The following DCAF5 variants were observed in gnomAD, a reference collection of about 807,000 sequenced individuals.
DCAF5 encodes DDB1 and CUL4 associated factor 5.
DCAF5 carries 9 observed loss-of-function variants against 80.7 expected under a neutral mutation model. That is an observed-to-expected ratio of 0.11 (90% confidence interval 0.07 to 0.19). DCAF5 has a LOEUF of 0.19. DCAF5 is among the 10% of genes least tolerant of loss of function. The probability of loss-of-function intolerance (pLI) is 1.00; values close to 1 mark genes in which losing one functional copy is unlikely to be tolerated. For missense variants in DCAF5, 842 were observed against 1,205.7 expected (o/e 0.70, Z 4.47); for synonymous variants, 433 against 461.9 (o/e 0.94, Z 0.80).
intron 8 of DCAF5, among the ~76,000 whole-genome samples, chr14:69,060,106 C>T (rs1266448576): frequency 1.3e-5 from 2 of 152,134 alleles, no homozygotes; most frequent in African/African-American, 4.8e-5. Flanking sequence ...ATGACGTCAA[C>T]AGGCCCGGAG....
chr14:69,102,246 T>C (rs10138499), intron 5 of DCAF5, among the ~76,000 whole-genome samples: 9,501 of 151,624 alleles, frequency 0.063, 997 homozygotes, highest in African/African-American at 0.22. Flanking sequence ...GCAGCTGGGA[T>C]TACAGGCACA....
At chr14:69,095,907 T>G (rs912347730) in intron 5 of DCAF5, among the ~76,000 whole-genome samples, 2 of 152,206 alleles carry the variant, frequency 1.3e-5, no homozygotes, top group African/African-American at 4.8e-5. Context: ...GTCGAGGCAC[T>G]ACTATCCTAA....
In DCAF5 at chr14:69,090,058, A is replaced by C. The variant is rs1236673610; in HGVS notation, c.879+1616T>G. ...TTTCCCTCAGCCTCTGGTTTCTGGA[A>C]ATAAAGCCTAGTAAACTATTAATAT... On this transcript the variant is annotated intron_variant, in intron 6 of 8. Coordinates refer to ENST00000341516, the MANE Select transcript of DCAF5 (RefSeq NM_003861.3). The C allele has an allele frequency of 3.0e-6, 3 of 985,338 alleles. No homozygotes were observed. In the African/African-American group the frequency reaches 5.2e-5, roughly 17 times the overall value. The allele number at this position is 985,338 out of a possible 1,614,324, so 61.0% of individuals were successfully genotyped here.
intron 5 of DCAF5, among the ~76,000 whole-genome samples, chr14:69,097,353 T>A (rs370357378): frequency 1.3e-5 from 2 of 152,142 alleles, no homozygotes; most frequent in Admixed American, 6.5e-5. Flanking sequence ...TCACCTCTAG[T>A]TGGCAATAAT....
At chr14:69,097,582 ATTTT>A (rs755644268) in intron 5 of DCAF5, among the ~76,000 whole-genome samples, 3 of 125,280 alleles carry the variant, frequency 2.4e-5, no homozygotes, top group African/African-American at 6.0e-5. Context: ...TATTATTATT[ATTTT>A]TTTTTTTTTT....
chr14:69,151,827 C>G lies in DCAF5; in HGVS notation c.214+938G>C, dbSNP rs537092277. The stretch of plus-strand genomic sequence containing the variant: ...CGATTCAGCTGCCTGTCGCTAGGAG[C>G]CCCGGGAGAGCGAGGCCTACACCGC... On this transcript the variant is annotated intron_variant, in intron 1 of 8. Transcript: ENST00000341516. Among the ~76,000 whole-genome samples the G allele has an allele frequency of 2.8e-3, 427 of 152,254 alleles. 2 individuals carry two copies. Among genetic ancestry groups the G allele is most frequent in the African/African-American group, 9.9e-3 (412 of 41,550 alleles).
At chr14:69,099,251 A>AACACAC (rs60913200) in intron 5 of DCAF5, among the ~76,000 whole-genome samples, 5,082 of 124,236 alleles carry the variant, frequency 0.041, 155 homozygotes, top group East Asian at 0.089. Context: ...ACTCTGTCTC[A>AACACAC]ACACACACAC....
rs375684158 is a variant in DCAF5 at position 69,066,457 on chromosome 14, T to C, written c.947-3946A>G. On this transcript the variant is annotated intron_variant, in intron 7 of 8. Transcript: ENST00000341516. ...GCCAGCTGACACTCCTTTTTAAGTT[T>C]AGTTCCTAAGTTGAGGCCAAAGTCC... 3.9e-5 allele frequency among the ~76,000 whole-genome samples: 6 copies of C among 152,272 alleles called. No homozygotes were observed. The South Asian group carries it at 1.0e-3, about 26-fold the overall frequency.
At chr14:69,077,091 C>T (rs1243453927) in intron 6 of DCAF5, among the ~76,000 whole-genome samples, 1 of 152,222 alleles carries the variant, frequency 6.6e-6, no homozygotes, top group East Asian at 1.9e-4. Context: ...TTTGAGAGTT[C>T]ATTTATTTCC....
At chr14:69,066,111 T>C (rs2038426183) in intron 7 of DCAF5, among the ~76,000 whole-genome samples, 1 of 152,104 alleles carries the variant, frequency 6.6e-6, no homozygotes, top group South Asian at 2.1e-4. Context: ...TCTGCTTTGG[T>C]TGGCTTAGCC....
At chr14:69,085,108 A>C (rs2039266205) in intron 6 of DCAF5, 1 of 847,196 alleles carries the variant, frequency 1.2e-6, no homozygotes, top group Admixed American at 1.7e-5. Flanking sequence ...TTTTTTCATA[A>C]GTCAGCTCAG....
rs2037757156 is a variant in DCAF5, at chr14:69,051,441, A to T, written c.*2416T>A. 6.6e-6 allele frequency: 1 copy of T among 152,234 alleles called. No individual in the cohort carries two copies. 9.4% of individuals were successfully genotyped at this position (152,234 alleles called of 1,614,324 possible). A position where few individuals can be genotyped will look rare whatever the true frequency, so the allele number is the denominator to read the frequency against. Reference sequence around the variant, plus strand: ...GATGAGGGTGGAGCAGCTATAAAGCAAGCATTTCTCACCCTGCTCATGTGT... The same window carrying T: ...GATGAGGGTGGAGCAGCTATAAAGCTAGCATTTCTCACCCTGCTCATGTGT... On this transcript the variant is annotated 3_prime_UTR_variant, in exon 9 of 9. Transcript: ENST00000341516.
rs1348333850 is a variant in DCAF5, at chr14:69,054,264, C to T, written c.2422G>A (p.Gly808Arg). 16 of 1,614,112 alleles carry T rather than the reference C, an allele frequency of 9.9e-6. No homozygotes were observed. Among genetic ancestry groups the T allele is most frequent in the Middle Eastern group, 1.6e-4 (1 of 6,084 alleles). ...PKASGSTLNS[G>R]SGNCPRTQSD... ...TGGGTCCTGGGACAGTTGCCAGACC[C>T]GCTGTTGAGAGTGGAGCCAGATGCC... Residue 808 changes from glycine to arginine, a missense_variant, in exon 9 of 9, where the codon GGG becomes AGG. Coordinates refer to ENST00000341516, the MANE Select transcript of DCAF5 (RefSeq NM_003861.3).
At chr14:69,136,013 T>C (rs2041182295) in intron 1 of DCAF5, among the ~76,000 whole-genome samples, 1 of 152,132 alleles carries the variant, frequency 6.6e-6, no homozygotes, top group Admixed American at 6.6e-5. Context: ...AACTAATCTT[T>C]AAGAAACTTC....
intron 3 of DCAF5, 135 bp downstream of exon 3, chr14:69,119,058 AT>A (rs1341338245): frequency 5.1e-6 from 4 of 783,386 alleles, no homozygotes; most frequent in South Asian, 5.2e-5. Flanking sequence ...TATTGTAGGA[AT>A]TTTTTTAGAA....
At chr14:69,100,312 A>G (rs769479886) in intron 5 of DCAF5, among the ~76,000 whole-genome samples, 3 of 152,336 alleles carry the variant, frequency 2.0e-5, no homozygotes, top group Middle Eastern at 3.4e-3. Flanking sequence ...CCATGGAAGA[A>G]AGCTTTGAGA....
At position 69,118,947 on chromosome 14, in the gene DCAF5, CTT is replaced by C. The variant is rs760453613; in HGVS notation, c.395+245_395+246del. Among the ~76,000 whole-genome samples the C allele has an allele frequency of 3.3e-4, 50 of 152,326 alleles. No individual in the cohort carries two copies. Among genetic ancestry groups the C allele is most frequent in the South Asian group, 8.3e-4 (4 of 4,834 alleles). On this transcript the variant is annotated intron_variant, in intron 3 of 8. Coordinates refer to ENST00000341516, the MANE Select transcript of DCAF5 (RefSeq NM_003861.3). The surrounding 1 kb of genome is among the most constrained non-coding windows in gnomAD (Gnocchi z 4.0). Reference sequence around the variant, plus strand: ...ATTATGGTTCCTTCTCTTCTAAACTCTTGTTTTAAATTTTCACCTAAAAAGTA... The same window carrying C: ...ATTATGGTTCCTTCTCTTCTAAACTCGTTTTAAATTTTCACCTAAAAAGTA...
chr14:69,100,270 T>G (rs1283125855), intron 5 of DCAF5, among the ~76,000 whole-genome samples: 3 of 152,218 alleles, frequency 2.0e-5, no homozygotes, highest in African/African-American at 7.2e-5. Context: ...AGGAAATGTC[T>G]TCTCACATAT....
At chr14:69,105,652 T>C (rs2040111582) in intron 5 of DCAF5, among the ~76,000 whole-genome samples, 2 of 151,966 alleles carry the variant, frequency 1.3e-5, no homozygotes, top group Non-Finnish European at 2.9e-5. Context: ...TTTCCAAGCC[T>C]GATGCTTTGC....
Sources: allele counts gnomAD v4.1 joint callset (sites outside exome capture counted in the v4.1 genomes callset), GRCh38; gene constraint gnomAD v4.1.1; non-coding constraint Gnocchi (gnomAD v3.1); transcripts MANE v1.5; gene names NCBI Gene and HGNC (gene_info 2026-07-23, HGNC 2026-07-21).